PRKN: variants seen among roughly 807,000 people sequenced by gnomAD.
The protein encoded by PRKN is parkin RBR E3 ubiquitin protein ligase, also known as E3 ubiquitin-protein ligase parkin.
Under a neutral mutation model 59.5 loss-of-function variants are expected in PRKN, and 56 were observed. That is an observed-to-expected ratio of 0.94 (90% confidence interval 0.76 to 1.18). PRKN has a LOEUF of 1.18. PRKN is among the 50% of genes most tolerant of loss of function. The pLI, the probability that PRKN is intolerant of heterozygous loss-of-function variation, is 0.00. For synonymous variants in PRKN, 250 were observed against 222.1 expected, an observed-to-expected ratio of 1.13 and a Z score of -1.12; for missense variants, 657 against 596.4, an observed-to-expected ratio of 1.10 and a Z score of -1.06.
Position 161,410,885 on chromosome 6 carries a change from A to G in PRKN, c.1084-24008T>C, listed in dbSNP as rs1483295375. On this transcript the variant is annotated intron_variant, in intron 9 of 11. Transcript: ENST00000366898. This position sits in a 1 kb window ranked among gnomAD's most constrained non-coding sequence, Gnocchi z 5.3. ...AGCAACTCATCACCTACCCATAAGA[A>G]TAACAGAAAGGGCCACTCGATGGTT... Among the ~76,000 whole-genome samples, 1 of 152,150 alleles carries G rather than the reference A, an allele frequency of 6.6e-6. No homozygotes were observed. The highest frequency in any genetic ancestry group is 2.4e-5 in the African/African-American group (1 of 41,412).
At chr6:161,406,904 C>T (rs1316164709) in intron 9 of PRKN, among the ~76,000 whole-genome samples, 1 of 152,126 alleles carries the variant, frequency 6.6e-6, no homozygotes, top group Non-Finnish European at 1.5e-5. Flanking sequence ...GCAGACAGAA[C>T]TGAAGAGGAG....
intron 7 of PRKN, among the ~76,000 whole-genome samples, chr6:161,675,422 T>G (rs1785051534): frequency 6.6e-6 from 1 of 152,192 alleles, no homozygotes; most frequent in African/African-American, 2.4e-5. Flanking sequence ...AATGCATCCT[T>G]TATAATGATA....
At chr6:161,885,751 TGAG>T (rs1347233507) in intron 6 of PRKN, among the ~76,000 whole-genome samples, 1 of 149,798 alleles carries the variant, frequency 6.7e-6, no homozygotes, top group Non-Finnish European at 1.5e-5. Context: ...TAAGAAAAAA[TGAG>T]GATAACTGTT....
At chr6:161,383,094 T>A (rs528029714) in intron 10 of PRKN, among the ~76,000 whole-genome samples, 2 of 152,196 alleles carry the variant, frequency 1.3e-5, no homozygotes, top group African/African-American at 4.8e-5. Context: ...GAGGCTGCAA[T>A]TGGGCTTTCA....
chr6:161,921,473 A>G (rs943351399), intron 6 of PRKN, among the ~76,000 whole-genome samples: 1 of 152,250 alleles, frequency 6.6e-6, no homozygotes, highest in Non-Finnish European at 1.5e-5. Flanking sequence ...AGTATTATGT[A>G]CTGTACTTCA....
At chr6:161,624,124 C>T (rs1432992171) in intron 7 of PRKN, among the ~76,000 whole-genome samples, 1 of 152,204 alleles carries the variant, frequency 6.6e-6, no homozygotes. Context: ...AATATTTTGA[C>T]TTTAGACAAA....
At chr6:161,800,876 T>C (rs1791047467) in intron 6 of PRKN, among the ~76,000 whole-genome samples, 1 of 152,170 alleles carries the variant, frequency 6.6e-6, no homozygotes, top group Non-Finnish European at 1.5e-5. Context: ...TGCTAAGTGC[T>C]TTCTCGGCAT....
In PRKN at chr6:162,189,093, T is replaced by C. The variant is rs143700593; in HGVS notation, c.534+12038A>G. Among the ~76,000 whole-genome samples the C allele has an allele frequency of 8.0e-3, 1,217 of 151,790 alleles. 19 individuals carry two copies. Among genetic ancestry groups the C allele is most frequent in the African/African-American group, 0.028 (1,143 of 41,328 alleles). ...CTAATTACCTTCTATAGGAGGGAATTGAGATTAGACGACTGCAAAGTTGAT... is the reference window on the plus strand; with the variant it reads ...CTAATTACCTTCTATAGGAGGGAATCGAGATTAGACGACTGCAAAGTTGAT... On this transcript the variant is annotated intron_variant, in intron 4 of 11. Transcript: ENST00000366898.
chr6:162,004,368 C>G (rs1166174971), intron 5 of PRKN, among the ~76,000 whole-genome samples: 1 of 152,148 alleles, frequency 6.6e-6, no homozygotes, highest in Non-Finnish European at 1.5e-5. Context: ...AGTCACTATG[C>G]TTCCTGTACA....
intron 2 of PRKN, among the ~76,000 whole-genome samples, chr6:162,390,375 G>GTATATATATATATA (rs369827763): frequency 4.0e-4 from 40 of 98,794 alleles, no homozygotes; most frequent in African/African-American, 1.4e-3. Flanking sequence ...TACTGCTAAG[G>GTATATATATATATA]TATATATATA....
intron 4 of PRKN, among the ~76,000 whole-genome samples, chr6:162,142,573 A>G (rs1466015512): frequency 4.6e-5 from 7 of 152,146 alleles, no homozygotes; most frequent in Admixed American, 4.6e-4. Flanking sequence ...TGGATTTTTT[A>G]TTTATGCAAT....
At chr6:162,727,282 G>A (rs1406240659) in intron 1 of PRKN, 3 of 318,992 alleles carry the variant, frequency 9.4e-6, no homozygotes, top group Non-Finnish European at 1.7e-5. Flanking sequence ...CCAGTGAGGT[G>A]AGGGGCGAAG....
chr6:162,445,027 T>C (rs7762203), intron 1 of PRKN, among the ~76,000 whole-genome samples: 68,543 of 152,044 alleles, frequency 0.45, 16,012 homozygotes, highest in African/African-American at 0.57. Flanking sequence ...AGGGCAAGTG[T>C]TATTGTTTAT....
intron 1 of PRKN, among the ~76,000 whole-genome samples, chr6:162,540,559 G>C (rs1445020323): frequency 6.6e-6 from 1 of 152,076 alleles, no homozygotes; most frequent in African/African-American, 2.4e-5. Context: ...CGTAAGCCCA[G>C]CACTCAGGGA....
chr6:161,464,537 C>T (rs148283399), intron 9 of PRKN, among the ~76,000 whole-genome samples: 2,537 of 152,174 alleles, frequency 0.017, 50 homozygotes, highest in Middle Eastern at 0.044. Flanking sequence ...TATTTTATAA[C>T]CTTTCCATGT....
At chr6:161,621,016 C>T (rs568776742) in intron 7 of PRKN, among the ~76,000 whole-genome samples, 5 of 152,194 alleles carry the variant, frequency 3.3e-5, no homozygotes, top group South Asian at 2.1e-4. Context: ...CCTTTATGTT[C>T]GGTGCTTCAA....
At chr6:161,640,102 C>T (rs1783683389) in intron 7 of PRKN, among the ~76,000 whole-genome samples, 2 of 152,162 alleles carry the variant, frequency 1.3e-5, no homozygotes, top group Non-Finnish European at 2.9e-5. Context: ...GTATTTTATT[C>T]TTCTTTCACA....
Position 161,738,864 on chromosome 6 carries a change from C to A in PRKN, c.871+46908G>T, listed in dbSNP as rs770008113. On this transcript the variant is annotated intron_variant, in intron 7 of 11. Transcript: ENST00000366898. ...CTGCCTGAGGTTCATCCTGCTGAGG[C>A]CTACACAGGCATCTACACTAGAGCA... Among the ~76,000 whole-genome samples, 19 of 152,160 alleles carry A rather than the reference C, an allele frequency of 1.2e-4. 1 individual carries two copies. Among genetic ancestry groups the A allele is most frequent in the Non-Finnish European group, 2.1e-4 (14 of 68,006 alleles).
chr6:161,640,923 G>A (rs1783715535), intron 7 of PRKN, among the ~76,000 whole-genome samples: 2 of 152,218 alleles, frequency 1.3e-5, no homozygotes, highest in African/African-American at 4.8e-5. Flanking sequence ...GTGATCTTTC[G>A]AAGCCCTGAG....
Sources: gnomAD v4.1 joint callset for allele counts (sites outside exome capture counted in the v4.1 genomes callset) on GRCh38, gnomAD v4.1.1 for gene constraint, Gnocchi (gnomAD v3.1) non-coding constraint, MANE v1.5 for transcripts, NCBI Gene and HGNC (gene_info 2026-07-23, HGNC 2026-07-21) for gene names.